The following KIAA1671 variants were observed in gnomAD, a reference collection of about 807,000 sequenced individuals.
The protein encoded by KIAA1671 is uncharacterized protein KIAA1671.
A neutral mutation model predicts 131.2 loss-of-function variants in KIAA1671; 52 were observed. The observed-to-expected ratio is 0.40, with a 90% CI of 0.32 to 0.50. KIAA1671 has a LOEUF of 0.50. KIAA1671 is among the 20% of genes least tolerant of loss of function. KIAA1671 has a pLI of 0.73. For missense variants in KIAA1671, 2,360 were observed against 2,364.2 expected (o/e 1.00, Z 0.04); for synonymous variants, 1,003 against 961.6 (o/e 1.04, Z -0.80).
chr22:25,141,434 G>C (rs897148120), intron 6 of KIAA1671, among the ~76,000 whole-genome samples: 16 of 151,882 alleles, frequency 1.1e-4, no homozygotes, highest in African/African-American at 3.9e-4. Context: ...GGGTTTCACC[G>C]TGTTAGCCAG....
At chr22:24,957,226 GAT>G (rs1302895106) in intron 1 of KIAA1671, among the ~76,000 whole-genome samples, 1 of 152,110 alleles carries the variant, frequency 6.6e-6, no homozygotes, top group African/African-American at 2.4e-5. Flanking sequence ...ACCCACAGGT[GAT>G]ACTTGAGTCT....
chr22:25,132,475 A>AC (rs1406641286), intron 6 of KIAA1671, among the ~76,000 whole-genome samples: 1 of 152,106 alleles, frequency 6.6e-6, no homozygotes, highest in Admixed American at 6.5e-5. Flanking sequence ...CTCCTGAGCG[A>AC]CCCGGGGGCA....
At chr22:24,957,273 C>T (rs1921764209) in intron 1 of KIAA1671, among the ~76,000 whole-genome samples, 1 of 152,058 alleles carries the variant, frequency 6.6e-6, no homozygotes, top group Non-Finnish European at 1.5e-5. Flanking sequence ...TGGGACATTC[C>T]AGGCAGAAGC....
chr22:25,170,039 A>G (rs9620491), intron 6 of KIAA1671, among the ~76,000 whole-genome samples: 10,941 of 151,972 alleles, frequency 0.072, 1,286 homozygotes, highest in African/African-American at 0.25. Flanking sequence ...TCAGCCTCCC[A>G]AGTAGCTGGA....
In KIAA1671 at chr22:24,985,972, G is replaced by A. The variant is rs901166372; in HGVS notation, c.-208+33200G>A. Among the ~76,000 whole-genome samples, 5 of 152,076 alleles carry A rather than the reference G, an allele frequency of 3.3e-5. No individual in the cohort carries two copies. In the East Asian group the frequency reaches 9.7e-4, roughly 29 times the overall value. ...TGCCGATGCTGTCTCCTGACTGCTG[G>A]GTTGGGACTTGTGTGCGTGTGTGTG... On this transcript the variant is annotated intron_variant, in intron 1 of 12. Transcript: ENST00000358431.
At chr22:25,150,994 G>C (rs1028284875) in intron 6 of KIAA1671, among the ~76,000 whole-genome samples, 4 of 151,930 alleles carry the variant, frequency 2.6e-5, no homozygotes, top group African/African-American at 7.3e-5. Flanking sequence ...CTCCACGCCC[G>C]GCTAATTTTT....
intron 6 of KIAA1671, among the ~76,000 whole-genome samples, chr22:25,120,172 G>A (rs1712629164): frequency 6.6e-6 from 1 of 152,184 alleles, no homozygotes; most frequent in Admixed American, 6.5e-5. Flanking sequence ...TGTGCCAACT[G>A]CCAACTGCCA....
chr22:25,146,361 C>T (rs1437891191), intron 6 of KIAA1671, among the ~76,000 whole-genome samples: 1 of 152,208 alleles, frequency 6.6e-6, no homozygotes, highest in East Asian at 1.9e-4. Flanking sequence ...AATCCCTTAC[C>T]TGCACTTCTT....
intron 6 of KIAA1671, among the ~76,000 whole-genome samples, chr22:25,087,146 C>T (rs1929768513): frequency 6.8e-6 from 1 of 146,522 alleles, no homozygotes; most frequent in Admixed American, 6.8e-5. Context: ...TATTCTGCCC[C>T]TCCCACCCCC....
At chr22:25,042,547 A>G (rs1377995209) in intron 5 of KIAA1671, among the ~76,000 whole-genome samples, 1 of 147,648 alleles carries the variant, frequency 6.8e-6, no homozygotes, top group African/African-American at 2.5e-5. Context: ...GCTCACTGCA[A>G]CCTTCGCCTC....
rs1568950899 is a variant in KIAA1671, at chr22:25,093,722, C to CTT, written c.4530+44358_4530+44359insTT. Among the ~76,000 whole-genome samples, 6 of 124,314 alleles carry CTT rather than the reference C, an allele frequency of 4.8e-5. 1 individual carries two copies. The highest frequency in any genetic ancestry group is 2.7e-4 in the African/African-American group (6 of 22,612). The allele number at this position is 124,314 out of a possible 152,430, so 81.6% of individuals were successfully genotyped here. On this transcript the variant is annotated intron_variant, in intron 6 of 12. Coordinates refer to ENST00000358431, the MANE Select transcript of KIAA1671 (RefSeq NM_001145206.2). ...ACACACACACACACACACACACACA[C>CTT]ACACACACACACACACTCTCTCTCT...
chr22:25,003,112 A>G (rs1371251338), intron 1 of KIAA1671, among the ~76,000 whole-genome samples: 3 of 151,930 alleles, frequency 2.0e-5, no homozygotes, highest in Admixed American at 2.0e-4. Flanking sequence ...CCCTCTTATT[A>G]CAAACACATT....
intron 6 of KIAA1671, among the ~76,000 whole-genome samples, chr22:25,125,456 C>T (rs559438265): frequency 1.6e-4 from 25 of 152,272 alleles, no homozygotes; most frequent in African/African-American, 5.8e-4. Context: ...GACTCCAGCC[C>T]AGGTCTGCTG....
At chr22:25,082,611 T>A (rs1335705313) in intron 6 of KIAA1671, among the ~76,000 whole-genome samples, 1 of 152,188 alleles carries the variant, frequency 6.6e-6, no homozygotes, top group African/African-American at 2.4e-5. Context: ...GGTGGGAGGA[T>A]CACTTGAACC....
In KIAA1671 at chr22:25,040,538, A is replaced by G; in HGVS notation, c.3408A>G (p.Ser1136=). 6.4e-7 allele frequency: 1 copy of G among 1,551,856 alleles called. No individual in the cohort carries two copies. ...ATGCCTTATGGAGTCATCGGGGATC[A>G]GAAGATGGCCCTCGTCCTCAAAGCA... ...DVDALWSHRG[S]EDGPRPQSNW... The change falls in exon 5 of 13, where the codon TCA becomes TCG. Residue 1136 remains serine (S), a synonymous_variant. Coordinates refer to ENST00000358431, the MANE Select transcript of KIAA1671 (RefSeq NM_001145206.2).
Position 25,151,337 on chromosome 22 carries a change from AATAT to A in KIAA1671, c.4531-19478_4531-19475del, listed in dbSNP as rs559012477. On this transcript the variant is annotated intron_variant, in intron 6 of 12. Transcript: ENST00000358431. The stretch of plus-strand genomic sequence containing the variant: ...TGCATATATAATAAATATATAAATA[AATAT>A]ATATGTATACATATATTTTTGTTTA... Among the ~76,000 whole-genome samples the A allele has an allele frequency of 1.6e-3, 238 of 148,812 alleles. 1 individual carries two copies. Among genetic ancestry groups the A allele is most frequent in the African/African-American group, 5.5e-3 (227 of 40,948 alleles).
At chr22:24,972,861 T>C (rs973028233) in intron 1 of KIAA1671, among the ~76,000 whole-genome samples, 2 of 152,090 alleles carry the variant, frequency 1.3e-5, no homozygotes, top group Non-Finnish European at 2.9e-5. Context: ...CAGATAATGA[T>C]TAAGAGCGAT....
At chr22:25,097,190 C>T (rs1436783176) in intron 6 of KIAA1671, among the ~76,000 whole-genome samples, 1 of 152,190 alleles carries the variant, frequency 6.6e-6, no homozygotes, top group Non-Finnish European at 1.5e-5. Context: ...AAGAAACTGC[C>T]AAACCCTGTC....
In KIAA1671 at chr22:25,024,913, G is replaced by A. The variant is rs1925852947; in HGVS notation, c.-207-720G>A. Among the ~76,000 whole-genome samples, 8 of 152,048 alleles carry A rather than the reference G, an allele frequency of 5.3e-5. No individual in the cohort carries two copies. The South Asian group carries it at 1.5e-3, about 28-fold the overall frequency. On this transcript the variant is annotated intron_variant, in intron 1 of 12. Coordinates refer to ENST00000358431, the MANE Select transcript of KIAA1671 (RefSeq NM_001145206.2). ...CCTCCGAGTGTATGTGGTGCTCTGT[G>A]AACAGGTAGGAGGGGGTTGTACCGG... is the stretch of plus-strand genomic sequence containing the variant.
Sources: gnomAD v4.1 joint callset for allele counts (sites outside exome capture counted in the v4.1 genomes callset) on GRCh38, gnomAD v4.1.1 for gene constraint, MANE v1.5 for transcripts, NCBI Gene and HGNC (gene_info 2026-07-23, HGNC 2026-07-21) for gene names.